Variants in PBX1 observed in about 807,000 individuals in gnomAD.
PBX1 encodes PBX homeobox 1.
Under a neutral mutation model 53.4 loss-of-function variants are expected in PBX1, and 6 were observed. The observed-to-expected ratio is 0.11, with a 90% confidence interval of 0.06 to 0.22. The LOEUF (loss-of-function observed/expected upper bound fraction) is 0.22, where lower values mean the gene tolerates loss of function less well. Ranked by LOEUF, PBX1 falls within the 10% of genes least tolerant of loss-of-function variation. The pLI is 1.00. For synonymous variants in PBX1, 204 were observed against 212.3 expected (o/e 0.96, Z 0.34); for missense variants, 251 against 551.4 (o/e 0.46, Z 5.46).
Position 164,724,670 on chromosome 1 carries a change from A to ATTTTTTTTT in PBX1, c.266-67793_266-67785dup, listed in dbSNP as rs59042806. Among the ~76,000 whole-genome samples the ATTTTTTTTT allele has an allele frequency of 7.0e-4, 34 of 48,236 alleles. 8 individuals are homozygous for ATTTTTTTTT. Among genetic ancestry groups the ATTTTTTTTT allele is most frequent in the Non-Finnish European group, 1.4e-3 (32 of 23,366 alleles). 31.6% of individuals were successfully genotyped at this position (48,236 alleles called of 152,430 possible). A position where few individuals can be genotyped will look rare whatever the true frequency, so the allele number is the denominator to read the frequency against. On this transcript the variant is annotated intron_variant, in intron 2 of 8. Coordinates refer to ENST00000420696, the MANE Select transcript of PBX1 (RefSeq NM_002585.4). ...CAGATGCCCATTGCAATAGCTGCAGATTTTTTTTTTTTTTTTTTTTTTTTT... is the reference window on the plus strand; with the variant it reads ...CAGATGCCCATTGCAATAGCTGCAGATTTTTTTTTTTTTTTTTTTTTTTTTTTTTTTTTT...
intron 2 of PBX1, among the ~76,000 whole-genome samples, chr1:164,640,124 G>A (rs1253013174): frequency 6.6e-6 from 1 of 152,198 alleles, no homozygotes; most frequent in Non-Finnish European, 1.5e-5. Context: ...TGTGACATCA[G>A]TGAATGTTCC....
intron 2 of PBX1, among the ~76,000 whole-genome samples, chr1:164,661,278 C>T (rs1660470743): frequency 6.6e-6 from 1 of 152,180 alleles, no homozygotes; most frequent in South Asian, 2.1e-4. Flanking sequence ...AGCCGAGGGC[C>T]TCTCTCCCAT....
chr1:164,715,014 ATT>A lies in PBX1; in HGVS notation c.266-77467_266-77466del, dbSNP rs11361136. Reference sequence around the variant, plus strand: ...AATGAAGATTGTAATTTCCCCATTGATTTTTTTTTTTTTTAAGTTCCTCAAGA... The same window carrying A: ...AATGAAGATTGTAATTTCCCCATTGATTTTTTTTTTTTAAGTTCCTCAAGA... On this transcript the variant is annotated intron_variant, in intron 2 of 8. Coordinates refer to ENST00000420696, the MANE Select transcript of PBX1 (RefSeq NM_002585.4). Among the ~76,000 whole-genome samples the A allele has an allele frequency of 5.6e-3, 832 of 147,798 alleles. 6 individuals carry two copies. The highest frequency in any genetic ancestry group is 0.017 in the African/African-American group (671 of 40,392).
At chr1:164,860,540 C>T (rs1243820995) in intron 2 of PBX1, among the ~76,000 whole-genome samples, 1 of 152,120 alleles carries the variant, frequency 6.6e-6, no homozygotes, top group Non-Finnish European at 1.5e-5. Context: ...TTTACCTTTG[C>T]TCATGATGCC....
intron 8 of PBX1, among the ~76,000 whole-genome samples, chr1:164,839,019 C>T (rs781675544): frequency 1.3e-5 from 2 of 152,186 alleles, no homozygotes; most frequent in Non-Finnish European, 2.9e-5. Context: ...CCTCTCCGGT[C>T]CTGTCTTGCT....
intron 2 of PBX1, among the ~76,000 whole-genome samples, chr1:164,735,874 A>G (rs903101810): frequency 6.6e-6 from 1 of 152,220 alleles, no homozygotes; most frequent in Non-Finnish European, 1.5e-5. Context: ...GGGGCTGGAC[A>G]AAGCATGAGG....
intron 2 of PBX1, among the ~76,000 whole-genome samples, chr1:164,647,196 C>G (rs1257578583): frequency 6.6e-6 from 1 of 152,202 alleles, no homozygotes; most frequent in African/African-American, 2.4e-5. Context: ...ATTTTCATGG[C>G]ACCTTCCCTT....
chr1:164,777,258 A>G (rs1667717058), intron 2 of PBX1, among the ~76,000 whole-genome samples: 1 of 152,112 alleles, frequency 6.6e-6, no homozygotes, highest in Non-Finnish European at 1.5e-5. Context: ...CTCCGTCTGT[A>G]CTAAAAATAC....
rs1672328890 is a variant in PBX1 at position 164,870,266 on chromosome 1, C to CCTCCCTCT, written n.258-28922_258-28921insCTCCCTCT. 1.3e-4 allele frequency among the ~76,000 whole-genome samples: 6 copies of CCTCCCTCT among 45,214 alleles called. No homozygotes were observed. In the East Asian group the frequency reaches 2.3e-3, roughly 17 times the overall value. 29.7% of individuals were successfully genotyped at this position (45,214 alleles called of 152,430 possible). A position where few individuals can be genotyped will look rare whatever the true frequency, so the allele number is the denominator to read the frequency against. On this transcript the variant is annotated intron_variant and non_coding_transcript_variant, in intron 2 of 2. Coordinates refer to the PBX1 transcript ENST00000558796. Reference sequence around the variant, plus strand: ...CCTTCCTTCCTTCCTTCCTTCCTTCCTTCTTTCTTTCTTTCTTTCTTTCTT... The same window carrying CCTCCCTCT: ...CCTTCCTTCCTTCCTTCCTTCCTTCCCTCCCTCTTTCTTTCTTTCTTTCTTTCTTTCTT...
chr1:164,618,376 C>T (rs1452486130), intron 2 of PBX1, among the ~76,000 whole-genome samples: 2 of 149,476 alleles, frequency 1.3e-5, no homozygotes, highest in African/African-American at 2.5e-5. Flanking sequence ...CTGGGGAGTG[C>T]TGAAGTGCAC....
At chr1:164,743,033 A>G (rs1665695318) in intron 2 of PBX1, among the ~76,000 whole-genome samples, 3 of 152,362 alleles carry the variant, frequency 2.0e-5, no homozygotes, top group African/African-American at 2.4e-5. Flanking sequence ...ACAAACAGCA[A>G]TGTAAGCCAG....
At chr1:164,756,786 G>A (rs900607742) in intron 2 of PBX1, among the ~76,000 whole-genome samples, 1 of 152,172 alleles carries the variant, frequency 6.6e-6, no homozygotes, top group Non-Finnish European at 1.5e-5. Flanking sequence ...ACATATTTAG[G>A]CTTTATCATA....
At chr1:164,876,699 A>G (rs769447553) in intron 2 of PBX1, among the ~76,000 whole-genome samples, 1 of 152,108 alleles carries the variant, frequency 6.6e-6, no homozygotes, top group Non-Finnish European at 1.5e-5. Flanking sequence ...ATTTCTGTGG[A>G]AAAGCAGAAG....
At chr1:164,646,832 C>G (rs1390536645) in intron 2 of PBX1, among the ~76,000 whole-genome samples, 4 of 152,252 alleles carry the variant, frequency 2.6e-5, no homozygotes, top group Non-Finnish European at 5.9e-5. Context: ...TGCTTTACAG[C>G]AAATCCTTTT....
intron 2 of PBX1, among the ~76,000 whole-genome samples, chr1:164,739,599 G>A (rs1665487614): frequency 6.6e-6 from 1 of 152,056 alleles, no homozygotes; most frequent in African/African-American, 2.4e-5. Flanking sequence ...AAGCAGATAT[G>A]GCAATTTGCT....
chr1:164,680,950 A>C (rs1009124253), intron 2 of PBX1, among the ~76,000 whole-genome samples: 1 of 152,208 alleles, frequency 6.6e-6, no homozygotes, highest in Non-Finnish European at 1.5e-5. Context: ...ACTATGTGTG[A>C]GCCTGGCATT....
At chr1:164,655,400 A>G (rs1487110587) in intron 2 of PBX1, among the ~76,000 whole-genome samples, 1 of 152,160 alleles carries the variant, frequency 6.6e-6, no homozygotes, top group Non-Finnish European at 1.5e-5. Context: ...GGAGTGAGCC[A>G]CTGTGCCCGG....
intron 8 of PBX1, among the ~76,000 whole-genome samples, chr1:164,836,160 G>A (rs1273067005): frequency 6.6e-6 from 1 of 152,112 alleles, no homozygotes; most frequent in East Asian, 1.9e-4. Flanking sequence ...TGAGTGACTA[G>A]ATGTTTTATT....
At chr1:164,663,220 GCCTT>G (rs1660604722) in intron 2 of PBX1, among the ~76,000 whole-genome samples, 6 of 136,306 alleles carry the variant, frequency 4.4e-5, no homozygotes, top group Admixed American at 1.5e-4. Context: ...CTGCCTTCCT[GCCTT>G]CCTGCCTTCC....
Sources: allele counts gnomAD v4.1 joint callset (sites outside exome capture counted in the v4.1 genomes callset), GRCh38; gene constraint gnomAD v4.1.1; transcripts MANE v1.5; gene names NCBI Gene and HGNC (gene_info 2026-07-23, HGNC 2026-07-21).